The following CACNA1E variants were observed in gnomAD, a reference collection of about 807,000 sequenced individuals.
CACNA1E encodes the protein calcium voltage-gated channel subunit alpha1 E.
CACNA1E carries 40 observed loss-of-function variants against 259.2 expected under a neutral mutation model. The ratio of observed to expected loss-of-function variants is 0.15; its 90% CI spans 0.12 to 0.20. The LOEUF (loss-of-function observed/expected upper bound fraction) is 0.20, where lower values mean the gene tolerates loss of function less well. CACNA1E is among the 10% of genes least tolerant of loss of function. CACNA1E has a pLI of 1.00. For synonymous variants in CACNA1E, 1,104 were observed against 1,138.5 expected, an observed-to-expected ratio of 0.97 and a Z score of 0.61; for missense variants, 1,874 against 3,040.1, an observed-to-expected ratio of 0.62 and a Z score of 9.02.
intron 6 of CACNA1E, among the ~76,000 whole-genome samples, chr1:181,623,486 A>G (rs1396129775): frequency 6.6e-6 from 1 of 152,246 alleles, no homozygotes; most frequent in African/African-American, 2.4e-5. Context: ...CTGTTAAATA[A>G]CATTATATAG....
At chr1:181,375,605 A>G (rs970579337) in intron 1 of CACNA1E, among the ~76,000 whole-genome samples, 3 of 152,200 alleles carry the variant, frequency 2.0e-5, no homozygotes, top group African/African-American at 7.2e-5. Flanking sequence ...AATATTCACA[A>G]CAGCTCTGTG....
intron 7 of CACNA1E, among the ~76,000 whole-genome samples, chr1:181,684,808 T>C (rs1018215546): frequency 6.6e-6 from 1 of 152,068 alleles, no homozygotes; most frequent in African/African-American, 2.4e-5. Context: ...CTTTGTTTCA[T>C]GTTTGGTGAT....
intron 2 of CACNA1E, among the ~76,000 whole-genome samples, chr1:181,450,148 C>G (rs1351841288): frequency 1.3e-5 from 2 of 152,148 alleles, no homozygotes; most frequent in Admixed American, 6.5e-5. Flanking sequence ...AAGGGCTACA[C>G]ACTTTCAAAC....
intron 2 of CACNA1E, among the ~76,000 whole-genome samples, chr1:181,441,577 T>C (rs182186583): frequency 3.3e-5 from 5 of 152,380 alleles, no homozygotes; most frequent in Admixed American, 3.3e-4. Context: ...AAGTTTGCTC[T>C]GTCATCACAT....
intron 1 of CACNA1E, among the ~76,000 whole-genome samples, chr1:181,389,037 A>G (rs1357511500): frequency 1.3e-5 from 2 of 152,208 alleles, no homozygotes; most frequent in Non-Finnish European, 2.9e-5. Flanking sequence ...CAAATGATCA[A>G]TCCATAAGCT....
intron 2 of CACNA1E, among the ~76,000 whole-genome samples, chr1:181,425,531 T>TCCCC (rs1201398954): frequency 1.7e-4 from 10 of 57,820 alleles, no homozygotes; most frequent in African/African-American, 5.5e-4. Flanking sequence ...ACACCCCCGC[T>TCCCC]CCCCCCCCCG....
At chr1:181,393,223 T>C (rs560481689) in intron 1 of CACNA1E, among the ~76,000 whole-genome samples, 17 of 152,192 alleles carry the variant, frequency 1.1e-4, no homozygotes, top group Non-Finnish European at 2.4e-4. Context: ...TTACCAGTTA[T>C]GGGATTTTAG....
chr1:181,341,282 C>T (rs12129769), intron 1 of CACNA1E, among the ~76,000 whole-genome samples: 58,718 of 152,082 alleles, frequency 0.39, 11,688 homozygotes, highest in Non-Finnish European at 0.44. Context: ...CTGGAAGATA[C>T]TGAGGTCTGG....
At chr1:181,484,704 C>A (rs1330933061) in intron 1 of CACNA1E, among the ~76,000 whole-genome samples, 1 of 152,226 alleles carries the variant, frequency 6.6e-6, no homozygotes, top group Non-Finnish European at 1.5e-5. Flanking sequence ...AGCAGCTCAT[C>A]AGGCCCATCC....
chr1:181,711,717 A>C (rs1653382858), intron 8 of CACNA1E, among the ~76,000 whole-genome samples: 1 of 152,112 alleles, frequency 6.6e-6, no homozygotes, highest in Admixed American at 6.5e-5. Flanking sequence ...GTTCTGGGAG[A>C]GGAGTATTTC....
chr1:181,731,454 C>T (rs573380741), intron 19 of CACNA1E, among the ~76,000 whole-genome samples: 1 of 152,288 alleles, frequency 6.6e-6, no homozygotes, highest in Admixed American at 6.5e-5. Context: ...GTGTGTTTTT[C>T]GCTCTTCAGT....
upstream of CACNA1E, among the ~76,000 whole-genome samples, chr1:181,479,447 T>G (rs1663084765): frequency 6.6e-6 from 1 of 152,236 alleles, no homozygotes; most frequent in Admixed American, 6.5e-5. Flanking sequence ...AATTGCTAAT[T>G]TTCCACATTT....
intron 2 of CACNA1E, among the ~76,000 whole-genome samples, chr1:181,461,337 C>T (rs913193859): frequency 2.6e-4 from 39 of 151,310 alleles, no homozygotes; most frequent in African/African-American, 7.1e-4. Context: ...GTCAGGAGAT[C>T]GAGACCATCC....
intron 3 of CACNA1E, among the ~76,000 whole-genome samples, chr1:181,513,512 CT>C (rs1466888029): frequency 6.6e-6 from 1 of 152,142 alleles, no homozygotes; most frequent in African/African-American, 2.4e-5. Flanking sequence ...CAACGTACGT[CT>C]TTTGGATATC....
intron 6 of CACNA1E, among the ~76,000 whole-genome samples, chr1:181,605,603 G>A (rs1469328619): frequency 6.6e-6 from 1 of 152,102 alleles, no homozygotes; most frequent in Non-Finnish European, 1.5e-5. Flanking sequence ...TTAGCAGGTC[G>A]GGAGCAAGCA....
At chr1:181,733,088 T>G (rs944494238) in intron 20 of CACNA1E, 54 bp downstream of exon 20, 1 of 1,487,490 alleles carries the variant, frequency 6.7e-7, no homozygotes, top group African/African-American at 1.4e-5. Flanking sequence ...CTGTTAGGTG[T>G]TCCTCAATAT....
At position 181,520,628 on chromosome 1, in the gene CACNA1E, C is replaced by T. The variant is rs552599610; in HGVS notation, c.512+9118C>T. Among the ~76,000 whole-genome samples the T allele has an allele frequency of 5.3e-5, 8 of 152,160 alleles. No homozygotes were observed. In the East Asian group the frequency reaches 1.5e-3, roughly 29 times the overall value. ...AAATTTTCCATTAGTTATAATTTTG[C>T]CTCAAGAGAGAAGTTTACTACATAT... On this transcript the variant is annotated intron_variant, in intron 3 of 47. Transcript: ENST00000367573.
chr1:181,438,129 C>T (rs899878040), intron 2 of CACNA1E, among the ~76,000 whole-genome samples: 10 of 152,172 alleles, frequency 6.6e-5, no homozygotes, highest in Non-Finnish European at 1.2e-4. Flanking sequence ...GCCATACTCC[C>T]TTGGGGTGCT....
intron 11 of CACNA1E, among the ~76,000 whole-genome samples, chr1:181,717,736 T>A (rs1182634447): frequency 6.6e-6 from 1 of 152,042 alleles, no homozygotes; most frequent in Non-Finnish European, 1.5e-5. Context: ...CTGCCAGGCA[T>A]GTAGGGAGGA....
Sources: gnomAD v4.1 joint callset for allele counts (sites outside exome capture counted in the v4.1 genomes callset) on GRCh38, gnomAD v4.1.1 for gene constraint, MANE v1.5 for transcripts, NCBI Gene and HGNC (gene_info 2026-07-23, HGNC 2026-07-21) for gene names.